MAGI2: variants seen among roughly 807,000 people sequenced by gnomAD.
MAGI2 encodes membrane associated guanylate kinase, WW and PDZ domain containing 2.
In MAGI2, 35 loss-of-function variants were observed where a neutral mutation model predicts 133.3. The ratio of observed to expected loss-of-function variants is 0.26; its 90% CI spans 0.20 to 0.35. The LOEUF (loss-of-function observed/expected upper bound fraction) is 0.35. MAGI2 is among the 10% of genes least tolerant of loss of function. MAGI2 has a pLI of 1.00. For missense variants in MAGI2, 1,636 were observed against 1,863.4 expected, an observed-to-expected ratio of 0.88 and a Z score of 2.25; for synonymous variants, 729 against 710.6, an observed-to-expected ratio of 1.03 and a Z score of -0.41.
At chr7:79,057,500 A>G (rs1278378595) in intron 1 of MAGI2, among the ~76,000 whole-genome samples, 1 of 152,212 alleles carries the variant, frequency 6.6e-6, no homozygotes. Flanking sequence ...AGCTTATAAT[A>G]TTCTTACAAG....
intron 15 of MAGI2, 67 bp downstream of exon 15, chr7:78,167,849 T>C (rs1825759004): frequency 1.3e-6 from 2 of 1,491,758 alleles, no homozygotes; most frequent in Admixed American, 3.6e-5. Context: ...CATGTGGCCT[T>C]ACCATGTCTC....
At chr7:78,832,421 G>A (rs1036259665) in intron 2 of MAGI2, among the ~76,000 whole-genome samples, 11 of 151,992 alleles carry the variant, frequency 7.2e-5, no homozygotes, top group Admixed American at 3.9e-4. Context: ...TTTTATTGGC[G>A]GTGACAAAAT....
chr7:79,114,930 T>C (rs1219610710), intron 1 of MAGI2, among the ~76,000 whole-genome samples: 5 of 152,190 alleles, frequency 3.3e-5, no homozygotes, highest in Non-Finnish European at 4.4e-5. Flanking sequence ...TTTGTTGATA[T>C]ATGGGTCTTT....
At chr7:79,350,226 C>G (rs960846143) in intron 1 of MAGI2, among the ~76,000 whole-genome samples, 3 of 152,120 alleles carry the variant, frequency 2.0e-5, no homozygotes, top group African/African-American at 7.2e-5. Context: ...TGCTCCAAAG[C>G]CTCAGAGGCC....
chr7:78,998,848 G>A (rs1159965795), intron 2 of MAGI2, among the ~76,000 whole-genome samples: 1 of 152,104 alleles, frequency 6.6e-6, no homozygotes, highest in African/African-American at 2.4e-5. Flanking sequence ...TGAATCTGAT[G>A]GAATCCTATT....
intron 2 of MAGI2, among the ~76,000 whole-genome samples, chr7:78,934,694 A>G (rs1196888785): frequency 6.6e-6 from 1 of 152,138 alleles, no homozygotes; most frequent in Non-Finnish European, 1.5e-5. Context: ...TTTAGATTTG[A>G]GTCCTTTCCC....
intron 2 of MAGI2, among the ~76,000 whole-genome samples, chr7:78,912,003 A>G (rs535706724): frequency 6.6e-6 from 1 of 152,320 alleles, no homozygotes; most frequent in South Asian, 2.1e-4. Context: ...ATCCTTAGCA[A>G]ACTAATGCAG....
intron 1 of MAGI2, among the ~76,000 whole-genome samples, chr7:79,257,748 A>C (rs1183570745): frequency 6.6e-6 from 1 of 152,224 alleles, no homozygotes; most frequent in Non-Finnish European, 1.5e-5. Flanking sequence ...TACATAAAAT[A>C]ATGATAAATT....
intron 1 of MAGI2, chr7:79,351,867 T>C (rs1254366396): frequency 6.6e-6 from 1 of 152,220 alleles, no homozygotes; most frequent in African/African-American, 2.4e-5. Context: ...ATTAAAAATG[T>C]CCACTATTTC....
intron 1 of MAGI2, among the ~76,000 whole-genome samples, chr7:79,367,420 G>A (rs1330164316): frequency 3.3e-5 from 5 of 152,092 alleles, no homozygotes; most frequent in Non-Finnish European, 5.9e-5. Flanking sequence ...GATTTTGGAG[G>A]GTGGAAGGAA....
At chr7:79,164,234 A>G (rs1824705637) in intron 1 of MAGI2, among the ~76,000 whole-genome samples, 1 of 151,916 alleles carries the variant, frequency 6.6e-6, no homozygotes, top group Admixed American at 6.6e-5. Context: ...TGCCTTACAA[A>G]CCATGAATTC....
At chr7:78,750,241 A>G (rs1178851468) in intron 2 of MAGI2, among the ~76,000 whole-genome samples, 1 of 152,130 alleles carries the variant, frequency 6.6e-6, no homozygotes, top group African/African-American at 2.4e-5. Flanking sequence ...ATAGTATTCC[A>G]TGGTGTATAT....
At chr7:78,916,760 A>C (rs1329333564) in intron 2 of MAGI2, among the ~76,000 whole-genome samples, 4 of 152,094 alleles carry the variant, frequency 2.6e-5, no homozygotes, top group African/African-American at 7.2e-5. Context: ...AAAAGAAGTG[A>C]AGTTAGAATT....
At chr7:79,348,798 G>A (rs1466687752) in intron 1 of MAGI2, among the ~76,000 whole-genome samples, 1 of 151,624 alleles carries the variant, frequency 6.6e-6, no homozygotes, top group African/African-American at 2.4e-5. Flanking sequence ...CTAATCTGTT[G>A]TGAAAATAGG....
intron 1 of MAGI2, among the ~76,000 whole-genome samples, chr7:79,074,404 T>A (rs897734828): frequency 6.6e-6 from 1 of 152,236 alleles, no homozygotes; most frequent in Non-Finnish European, 1.5e-5. Context: ...ACATGCTTTT[T>A]TACACATCTA....
intron 9 of MAGI2, among the ~76,000 whole-genome samples, chr7:78,291,389 T>C (rs1796695796): frequency 6.6e-6 from 1 of 152,112 alleles, no homozygotes; most frequent in Admixed American, 6.5e-5. Context: ...CAGGAATAAG[T>C]CAAATCCCTA....
At chr7:79,388,834 T>C (rs928734939) in intron 1 of MAGI2, among the ~76,000 whole-genome samples, 1 of 137,556 alleles carries the variant, frequency 7.3e-6, no homozygotes, top group Non-Finnish European at 1.5e-5. Flanking sequence ...ACCACATATA[T>C]GTAGTCATTA....
intron 7 of MAGI2, chr7:78,358,741 G>A (rs922463451): frequency 4.8e-6 from 1 of 210,092 alleles, no homozygotes; most frequent in Non-Finnish European, 9.5e-6. Flanking sequence ...TGGGGGAGAA[G>A]AGGAAGGAGA....
chr7:78,523,993 G>T (rs1344036067), intron 3 of MAGI2, among the ~76,000 whole-genome samples: 1 of 151,912 alleles, frequency 6.6e-6, no homozygotes, highest in African/African-American at 2.4e-5. Flanking sequence ...AGTGCAAACT[G>T]CCTCCATGAG....
Sources: allele counts gnomAD v4.1 joint callset (sites outside exome capture counted in the v4.1 genomes callset), GRCh38; gene constraint gnomAD v4.1.1; transcripts MANE v1.5; gene names NCBI Gene and HGNC (gene_info 2026-07-23, HGNC 2026-07-21).